SOX6: variants seen among roughly 807,000 people sequenced by gnomAD.
SOX6 encodes the protein SRY-box transcription factor 6, also known as transcription factor SOX-6.
SOX6 carries 11 observed loss-of-function variants against 97.8 expected under a neutral mutation model. The ratio of observed to expected loss-of-function variants is 0.11; its 90% confidence interval spans 0.07 to 0.19. The LOEUF is 0.19. Among genes scored for constraint, SOX6 ranks in the 10% least tolerant of loss-of-function variants. The pLI is 1.00. For synonymous variants in SOX6, 360 were observed against 371.4 expected (o/e 0.97, Z 0.35); for missense variants, 810 against 1,039.5 (o/e 0.78, Z 3.04).
At chr11:16,143,555 G>A (rs1419756631) in intron 6 of SOX6, among the ~76,000 whole-genome samples, 1 of 152,254 alleles carries the variant, frequency 6.6e-6, no homozygotes, top group African/African-American at 2.4e-5. Context: ...ACACAGATTG[G>A]CAAATTGGAT....
At chr11:16,282,900 A>G (rs1054167435) in intron 3 of SOX6, among the ~76,000 whole-genome samples, 3 of 150,214 alleles carry the variant, frequency 2.0e-5, no homozygotes, top group African/African-American at 7.3e-5. Flanking sequence ...ACAAGCACAC[A>G]TATATTTGCC....
At chr11:16,458,324 G>GA (rs1859850203) in intron 1 of SOX6, among the ~76,000 whole-genome samples, 1 of 151,962 alleles carries the variant, frequency 6.6e-6, no homozygotes, top group Non-Finnish European at 1.5e-5. Context: ...ACAAGACACA[G>GA]AAAAATATTT....
intron 3 of SOX6, among the ~76,000 whole-genome samples, chr11:16,268,198 T>C (rs927060810): frequency 1.3e-5 from 2 of 151,310 alleles, no homozygotes; most frequent in Non-Finnish European, 3.0e-5. Flanking sequence ...ATCACGAATG[T>C]TTTTGTCACA....
chr11:16,277,268 C>T (rs1854430452), intron 3 of SOX6, among the ~76,000 whole-genome samples: 1 of 151,994 alleles, frequency 6.6e-6, no homozygotes, highest in African/African-American at 2.4e-5. Flanking sequence ...GGACTATTGA[C>T]CTTAGAAGAA....
intron 4 of SOX6, among the ~76,000 whole-genome samples, chr11:16,585,724 C>T (rs1224984574): frequency 7.0e-6 from 1 of 143,524 alleles, no homozygotes; most frequent in Non-Finnish European, 1.5e-5. Context: ...ACTTTGTCAC[C>T]CAGGCTGTAG....
At chr11:16,522,848 A>G (rs144604508) in intron 4 of SOX6, among the ~76,000 whole-genome samples, 16,024 of 152,288 alleles carry the variant, frequency 0.11, 911 homozygotes, top group Non-Finnish European at 0.14. Flanking sequence ...CTGATAAACC[A>G]GACTTTAAAC....
intron 6 of SOX6, among the ~76,000 whole-genome samples, chr11:16,115,696 G>C (rs527430135): frequency 1.1e-4 from 16 of 152,312 alleles, no homozygotes; most frequent in Admixed American, 3.3e-4. Flanking sequence ...GTCCAGAACA[G>C]CTAATCACCC....
intron 9 of SOX6, among the ~76,000 whole-genome samples, chr11:16,089,886 G>A (rs1848646969): frequency 6.6e-6 from 1 of 152,024 alleles, no homozygotes; most frequent in African/African-American, 2.4e-5. Context: ...TCCATGGTTG[G>A]AAACAGAAGT....
At chr11:16,231,945 G>C (rs565644576) in intron 4 of SOX6, among the ~76,000 whole-genome samples, 3 of 151,742 alleles carry the variant, frequency 2.0e-5, no homozygotes, top group Admixed American at 1.3e-4. Context: ...ATTTAAAATG[G>C]AAAGAATATA....
At chr11:16,103,447 A>G (rs573612650) in intron 7 of SOX6, among the ~76,000 whole-genome samples, 9 of 151,974 alleles carry the variant, frequency 5.9e-5, no homozygotes, top group Non-Finnish European at 1.2e-4. Flanking sequence ...AAACACTATG[A>G]AAAAGAGTAT....
intron 1 of SOX6, among the ~76,000 whole-genome samples, chr11:16,363,324 C>G (rs1857257800): frequency 6.6e-6 from 1 of 152,038 alleles, no homozygotes; most frequent in African/African-American, 2.4e-5. Flanking sequence ...GAAAATGCTC[C>G]AGAATCTGAA....
At chr11:16,418,904 A>C (rs532045455) in intron 1 of SOX6, among the ~76,000 whole-genome samples, 1 of 152,282 alleles carries the variant, frequency 6.6e-6, no homozygotes, top group South Asian at 2.1e-4. Context: ...CTTTCACTTA[A>C]GACAGCCTCC....
chr11:16,499,621 A>G (rs1014265489), intron 4 of SOX6, among the ~76,000 whole-genome samples: 10 of 152,182 alleles, frequency 6.6e-5, no homozygotes, highest in African/African-American at 2.4e-4. Flanking sequence ...AAAACGATAA[A>G]AGGAATATCA....
At chr11:16,563,943 G>C (rs1352096004) in intron 4 of SOX6, among the ~76,000 whole-genome samples, 1 of 152,172 alleles carries the variant, frequency 6.6e-6, no homozygotes, top group African/African-American at 2.4e-5. Context: ...CCAGAAAGAA[G>C]TGGCACAATA....
At position 16,097,665 on chromosome 11, in the gene SOX6, T is replaced by C; in HGVS notation, c.922A>G (p.Ile308Val). ...GCAGCAGCTGCCATTGTTGATGGAA[T>C]GAACTGTACGGGGTAGTTATCACCT... Reference protein sequence around the residue: ...KPGDNYPVQFIPSTMAAAAAS... With the variant: ...KPGDNYPVQFVPSTMAAAAAS... The change falls in exon 8 of 16, where the codon ATT (isoleucine) becomes GTT (valine). Residue 308 changes from isoleucine (I) to valine (V), a missense_variant. Coordinates refer to ENST00000683767, the MANE Select transcript of SOX6 (RefSeq NM_001367873.1). 5 of 1,611,204 alleles carry C rather than the reference T, an allele frequency of 3.1e-6. No individual in the cohort carries two copies. Among genetic ancestry groups the C allele is most frequent in the Non-Finnish European group, 4.2e-6 (5 of 1,177,970 alleles).
chr11:16,140,013 A>ATG (rs1396700438), intron 6 of SOX6, among the ~76,000 whole-genome samples: 6 of 150,388 alleles, frequency 4.0e-5, no homozygotes, highest in Non-Finnish European at 5.9e-5. Context: ...AAATAAGTAT[A>ATG]TGTGTGTGTG....
At chr11:16,715,162 A>AAT (rs1399362731) in intron 2 of SOX6, among the ~76,000 whole-genome samples, 9 of 152,198 alleles carry the variant, frequency 5.9e-5, no homozygotes, top group African/African-American at 2.2e-4. Context: ...AGGTGCTAGA[A>AAT]ATATGACTAG....
chr11:15,978,634 T>C (rs1176875345), intron 15 of SOX6, among the ~76,000 whole-genome samples: 2 of 150,916 alleles, frequency 1.3e-5, no homozygotes, highest in African/African-American at 2.4e-5. Context: ...CCCTTGGTGA[T>C]TTCATCTAAT....
chr11:16,186,775 G>C lies in SOX6; in HGVS notation c.708+8C>G, dbSNP rs772387340. ...CTCCAGTTCGTCAGTGCCTTTTGCA[G>C]GGCTCACCTGTTCTTGCTGTTGGCG... On this transcript the variant is annotated splice_region_variant and intron_variant, in intron 5 of 15. Transcript: ENST00000683767. The C allele has an allele frequency of 2.7e-5, 43 of 1,612,316 alleles. No individual in the cohort carries two copies. Among genetic ancestry groups the C allele is most frequent in the Non-Finnish European group, 3.6e-5 (43 of 1,179,778 alleles).
Sources: gnomAD v4.1 joint callset for allele counts (sites outside exome capture counted in the v4.1 genomes callset) on GRCh38, gnomAD v4.1.1 for gene constraint, MANE v1.5 for transcripts, NCBI Gene and HGNC (gene_info 2026-07-23, HGNC 2026-07-21) for gene names.